The following ZNF473 variants were observed in gnomAD, a reference collection of about 807,000 sequenced individuals.
ZNF473 encodes the protein zinc finger protein 473, also known as zinc finger protein 100 homolog.
A neutral mutation model predicts 11.1 loss-of-function variants in ZNF473; 4 were observed. The observed-to-expected ratio is 0.36, with a 90% CI of 0.18 to 0.82. The LOEUF (loss-of-function observed/expected upper bound fraction) is 0.82, where lower values mean the gene tolerates loss of function less well. Among genes scored for constraint, ZNF473 ranks in the 40% least tolerant of loss-of-function variants. The pLI, the probability that ZNF473 is intolerant of heterozygous loss-of-function variation, is 0.49. For missense variants in ZNF473, 854 were observed against 1,084.0 expected, an observed-to-expected ratio of 0.79 and a Z score of 2.98; for synonymous variants, 404 against 390.4, an observed-to-expected ratio of 1.03 and a Z score of -0.41.
At chr19:50,029,052 C>G (rs2077302854) in intron 1 of ZNF473, among the ~76,000 whole-genome samples, 1 of 152,192 alleles carries the variant, frequency 6.6e-6, no homozygotes, top group African/African-American at 2.4e-5. Context: ...ATTATTCTAC[C>G]TAGAATGAAC....
At chr19:50,033,686 A>G (rs1054198816) in intron 2 of ZNF473, among the ~76,000 whole-genome samples, 1 of 152,172 alleles carries the variant, frequency 6.6e-6, no homozygotes, top group Non-Finnish European at 1.5e-5. Context: ...GCTCAAACCA[A>G]GGTGTCAGCA....
intron 4 of ZNF473, chr19:50,043,448 A>AATATATATATAT (rs68083079): frequency 2.8e-5 from 3 of 107,916 alleles, no homozygotes; most frequent in African/African-American, 1.2e-4. Context: ...AAAAAAAAAA[A>AATATATATATAT]ATATATATAT....
chr19:50,032,466 T>C (rs1157421907), intron 2 of ZNF473, among the ~76,000 whole-genome samples: 1 of 152,070 alleles, frequency 6.6e-6, no homozygotes, highest in Non-Finnish European at 1.5e-5. Flanking sequence ...CTTCATGAGC[T>C]CCTTCCCTTG....
At chr19:50,027,680 C>G (rs1483635423) in intron 1 of ZNF473, among the ~76,000 whole-genome samples, 1 of 151,784 alleles carries the variant, frequency 6.6e-6, no homozygotes, top group East Asian at 1.9e-4. Context: ...TTGGGGAGCA[C>G]TTGCCTCATC....
intron 2 of ZNF473, among the ~76,000 whole-genome samples, chr19:50,034,703 A>C (rs2077335971): frequency 6.6e-6 from 1 of 151,546 alleles, no homozygotes; most frequent in Admixed American, 6.6e-5. Flanking sequence ...CTCAGCTGTT[A>C]GTTAGAGAAC....
intron 2 of ZNF473, among the ~76,000 whole-genome samples, chr19:50,034,573 C>T (rs1368135963): frequency 1.3e-5 from 2 of 152,108 alleles, no homozygotes; most frequent in Admixed American, 6.6e-5. Context: ...CAATAAGTAA[C>T]CTGATTTTTA....
intron 3 of ZNF473, chr19:50,040,703 G>C (rs1978718917): frequency 6.6e-6 from 1 of 152,262 alleles, no homozygotes; most frequent in East Asian, 1.9e-4. Flanking sequence ...TTCCCTCTCT[G>C]TTGCCTCAGT....
In ZNF473 at chr19:50,046,413, A is replaced by G. The variant is rs141479433; in HGVS notation, c.1970A>G (p.His657Arg). 2.5e-6 allele frequency: 4 copies of G among 1,614,238 alleles called. No homozygotes were observed. In the African/African-American group the frequency reaches 5.3e-5, roughly 22 times the overall value. ...AACGAATGCGGAAAGACCTTCAGCC[A>G]CAGTGCACACCTCTCAAAACATCAG... Reference protein sequence around the residue: ...KCNECGKTFSHSAHLSKHQLI... With the variant: ...KCNECGKTFSRSAHLSKHQLI... Residue 657 changes from histidine (H) to arginine (R), a missense_variant, in exon 5 of 5, where the codon CAC (histidine) becomes CGC (arginine). Transcript: ENST00000270617. The surrounding 1 kb of genome is among the most constrained non-coding windows in gnomAD (Gnocchi z 5.9).
Position 50,045,625 on chromosome 19 carries a change from G to C in ZNF473, c.1182G>C (p.Gln394His). The C allele has an allele frequency of 6.2e-7, 1 of 1,614,120 alleles. No individual in the cohort carries two copies. The highest frequency in any genetic ancestry group is 8.5e-7 in the Non-Finnish European group (1 of 1,180,030). The change falls in exon 5 of 5, where the codon CAG (glutamine) becomes CAC (histidine). Residue 394 changes from glutamine to histidine, a missense_variant. Physicochemically the swap from Gln to His is conservative, Grantham distance 24 (BLOSUM62 0). Transcript: ENST00000270617. ...ACAGTTCGCTGCTCATTGAACACCAGGCTCTTCATGCTGGAGAGGAGCCTT... is the reference window on the plus strand; with the variant it reads ...ACAGTTCGCTGCTCATTGAACACCACGCTCTTCATGCTGGAGAGGAGCCTT... ...FRHSSLLIEH[Q>H]ALHAGEEPYK...
At chr19:50,031,242 G>C (rs2077316500) in intron 2 of ZNF473, 151 bp downstream of exon 2, 1 of 996,554 alleles carries the variant, frequency 1.0e-6, no homozygotes, top group Middle Eastern at 2.2e-4. Flanking sequence ...TGGCCTCCCT[G>C]TCCCATGGTG....
chr19:50,040,914 A>G (rs1978731446), intron 3 of ZNF473, among the ~76,000 whole-genome samples: 1 of 152,244 alleles, frequency 6.6e-6, no homozygotes, highest in African/African-American at 2.4e-5. Context: ...TACAGCCCAC[A>G]GTAAGAAGTG....
At chr19:50,026,702 G>A (rs938492289) in intron 1 of ZNF473, among the ~76,000 whole-genome samples, 4 of 151,958 alleles carry the variant, frequency 2.6e-5, no homozygotes, top group South Asian at 2.1e-4. Flanking sequence ...TTAGCCGGGC[G>A]TGGTGGTGCG....
intron 1 of ZNF473, 141 bp from the exon 2 acceptor site, chr19:50,030,751 A>G (rs2077313370): frequency 2.4e-6 from 1 of 422,688 alleles, no homozygotes; most frequent in Non-Finnish European, 4.4e-6. Context: ...TCATCACCAA[A>G]TCTCCTAAAC....
intron 3 of ZNF473, among the ~76,000 whole-genome samples, chr19:50,040,116 C>A (rs1167333655): frequency 6.6e-6 from 1 of 152,134 alleles, no homozygotes; most frequent in Non-Finnish European, 1.5e-5. Context: ...GGCTAGGATT[C>A]CCAGGACTCA....
rs752540629 is a variant in ZNF473, at chr19:50,039,186, G to A, written c.35G>A (p.Gly12Asp). ...AEEFVTLKDV[G>D]MDFTLGDWEQ... ...GAATTTGTGACCCTCAAGGATGTCG[G>A]CATGGACTTCACCTTGGGAGACTGG... The change falls in exon 3 of 5, where the codon GGC (glycine) becomes GAC (aspartate). Residue 12 changes from glycine (G) to aspartate (D), a missense_variant. Coordinates refer to ENST00000270617, the MANE Select transcript of ZNF473 (RefSeq NM_015428.4). The surrounding 1 kb of genome is among the most constrained non-coding windows in gnomAD (Gnocchi z 4.8). The A allele has an allele frequency of 6.2e-7, 1 of 1,614,140 alleles. No homozygotes were observed. The highest frequency in any genetic ancestry group is 8.5e-7 in the Non-Finnish European group (1 of 1,179,988).
chr19:50,039,169 G>A lies in ZNF473; in HGVS notation c.18G>A (p.Val6=), dbSNP rs771206087. Residue 6 remains valine (V), a synonymous_variant, in exon 3 of 5, where the codon GTG becomes GTA. Coordinates refer to ENST00000270617, the MANE Select transcript of ZNF473 (RefSeq NM_015428.4). This position sits in a 1 kb window ranked among gnomAD's most constrained non-coding sequence, Gnocchi z 4.8. The stretch of plus-strand genomic sequence containing the variant: ...AGTGTACTGTGTTTCAGGAATTTGT[G>A]ACCCTCAAGGATGTCGGCATGGACT... MAEEF[V]TLKDVGMDFT... The A allele has an allele frequency of 6.2e-7, 1 of 1,614,040 alleles. No homozygotes were observed. The highest frequency in any genetic ancestry group is 2.2e-5 in the East Asian group (1 of 44,862).
Position 50,039,799 on chromosome 19 carries a change from T to C in ZNF473, c.136+512T>C, listed in dbSNP as rs921896472. ...AACTCCATACCTCCTCTCCTACTCATCTTGTCTGTCGCTCCCTCACGTTCT... is the reference window on the plus strand; with the variant it reads ...AACTCCATACCTCCTCTCCTACTCACCTTGTCTGTCGCTCCCTCACGTTCT... On this transcript the variant is annotated intron_variant, in intron 3 of 4. Transcript: ENST00000270617. The surrounding 1 kb of genome is among the most constrained non-coding windows in gnomAD (Gnocchi z 4.8). Among the ~76,000 whole-genome samples, 2 of 152,220 alleles carry C rather than the reference T, an allele frequency of 1.3e-5. No homozygotes were observed. The highest frequency in any genetic ancestry group is 4.8e-5 in the African/African-American group (2 of 41,472).
intron 2 of ZNF473, among the ~76,000 whole-genome samples, chr19:50,031,811 T>G (rs2077319599): frequency 6.6e-6 from 1 of 152,158 alleles, no homozygotes; most frequent in Non-Finnish European, 1.5e-5. Flanking sequence ...AATGAATCAA[T>G]GAATGATGCA....
intron 2 of ZNF473, among the ~76,000 whole-genome samples, chr19:50,036,873 A>C (rs1978477957): frequency 1.3e-5 from 2 of 152,180 alleles, no homozygotes; most frequent in African/African-American, 4.8e-5. Context: ...AACTATAGGA[A>C]ACAAATTTCT....
Sources: gnomAD v4.1 joint callset for allele counts (sites outside exome capture counted in the v4.1 genomes callset) on GRCh38, gnomAD v4.1.1 for gene constraint, Gnocchi (gnomAD v3.1) non-coding constraint, MANE v1.5 for transcripts, NCBI Gene and HGNC (gene_info 2026-07-23, HGNC 2026-07-21) for gene names.